Variants in SCN7A observed in about 807,000 individuals in gnomAD.
SCN7A encodes the protein sodium voltage-gated channel alpha subunit 7, also known as sodium channel protein type 7 subunit alpha.
A neutral mutation model predicts 155.2 loss-of-function variants in SCN7A; 138 were observed. The ratio of observed to expected loss-of-function variants is 0.89; its 90% CI spans 0.77 to 1.02. The LOEUF is 1.02. Among genes scored for constraint, SCN7A ranks in the 50% least tolerant of loss-of-function variants. SCN7A has a pLI of 0.00. For synonymous variants in SCN7A, 693 were observed against 649.0 expected (o/e 1.07, Z -1.03); for missense variants, 2,058 against 1,986.6 (o/e 1.04, Z -0.68).
chr2:166,484,616 A>C (rs1363339365), intron 2 of SCN7A, among the ~76,000 whole-genome samples: 1 of 152,018 alleles, frequency 6.6e-6, no homozygotes, highest in Non-Finnish European at 1.5e-5. Context: ...TCACTAATAC[A>C]TGTTTTAAGT....
At chr2:166,430,384 T>C (rs1051829128) in intron 16 of SCN7A, among the ~76,000 whole-genome samples, 21 of 152,010 alleles carry the variant, frequency 1.4e-4, no homozygotes, top group Non-Finnish European at 2.6e-4. Flanking sequence ...TACTTTTATA[T>C]ATTCTTTATT....
chr2:166,420,085 C>A (rs931848135), intron 20 of SCN7A, among the ~76,000 whole-genome samples: 1 of 151,904 alleles, frequency 6.6e-6, no homozygotes, highest in African/African-American at 2.4e-5. Flanking sequence ...GTACTTTACA[C>A]AATCATAAAA....
chr2:166,443,683 C>A lies in SCN7A; in HGVS notation c.1627-7G>T. ...TGAAAATTCCAATGAAAACCTAAAT[C>A]AAAACCAAATACATAGGTGAGAATA... On this transcript the variant is annotated splice_polypyrimidine_tract_variant and splice_region_variant and intron_variant, in intron 13 of 25. Transcript: ENST00000643258. 3.9e-6 allele frequency: 6 copies of A among 1,530,872 alleles called. No homozygotes were observed. In the South Asian group the frequency reaches 6.2e-5, roughly 16 times the overall value. The allele number at this position is 1,530,872 out of a possible 1,614,324, so 94.8% of individuals were successfully genotyped here.
In SCN7A at chr2:166,441,523, G is replaced by A. The variant is rs751661520; in HGVS notation, c.2030C>T (p.Ser677Phe). The change falls in exon 15 of 26, where the codon TCC (serine) becomes TTC (phenylalanine). Residue 677 changes from serine (S) to phenylalanine (F), a missense_variant. Transcript: ENST00000643258. The part of the protein sequence containing the change: ...PRWHMHDFFH[S>F]FLNVFRILCG... ...GAGAATTCGGAACACATTCAGGAAG[G>A]AGTGGAAAAAGTCATGCATGTGCCA... 6.2e-7 allele frequency: 1 copy of A among 1,614,090 alleles called. No individual in the cohort carries two copies.
Position 166,423,333 on chromosome 2 carries a change from GA to G in SCN7A, c.2952del (p.Leu985Ter). On this transcript the variant is annotated frameshift_variant, in exon 19 of 26. Coordinates refer to ENST00000643258, the MANE Select transcript of SCN7A (RefSeq NM_002976.4). LOFTEE classifies it high-confidence loss of function. ...TTAAAACCATATGCCATCCATTTTA[GA>G]AGCATTTCCAGAATGAAGATATAAG... ...IFTYIFILEMLLKWMAYGFKA... is the reference protein window; with the variant it reads ...IFTYIFILEMXLKWMAYGFKA... The G allele has an allele frequency of 6.2e-7, 1 of 1,612,218 alleles. No individual in the cohort carries two copies. Among genetic ancestry groups the G allele is most frequent in the Non-Finnish European group, 8.5e-7 (1 of 1,179,084 alleles).
intron 12 of SCN7A, 79 bp from the exon 13 acceptor site, chr2:166,445,079 G>T: frequency 1.2e-6 from 1 of 800,720 alleles, no homozygotes; most frequent in Non-Finnish European, 2.1e-6. Context: ...ACTTTGGGAA[G>T]CCGAGGTGGG....
intron 23 of SCN7A, among the ~76,000 whole-genome samples, chr2:166,411,638 T>C (rs981399667): frequency 1.3e-5 from 2 of 152,050 alleles, no homozygotes; most frequent in African/African-American, 4.8e-5. Flanking sequence ...GCTGTTGTAC[T>C]TCAAACTGCA....
At chr2:166,422,191 T>C (rs1158464856) in intron 19 of SCN7A, among the ~76,000 whole-genome samples, 1 of 152,108 alleles carries the variant, frequency 6.6e-6, no homozygotes, top group African/African-American at 2.4e-5. Context: ...GCTTCTATCA[T>C]TGTTTATAGA....
chr2:166,479,721 C>T (rs527624738), intron 2 of SCN7A, among the ~76,000 whole-genome samples: 4 of 152,178 alleles, frequency 2.6e-5, no homozygotes, highest in South Asian at 2.1e-4. Context: ...TGACTGAGCC[C>T]AGCCTCTGGA....
At position 166,474,360 on chromosome 2, in the gene SCN7A, C is replaced by A. The variant is rs369215148; in HGVS notation, c.235-16G>T. 3.3e-6 allele frequency: 4 copies of A among 1,220,316 alleles called. No homozygotes were observed. The highest frequency in any genetic ancestry group is 4.6e-6 in the Non-Finnish European group (4 of 874,434). The allele number at this position is 1,220,316 out of a possible 1,614,324, so 75.6% of individuals were successfully genotyped here. A position where few individuals can be genotyped will look rare whatever the true frequency, so the allele number is the denominator to read the frequency against. On this transcript the variant is annotated splice_polypyrimidine_tract_variant and intron_variant, in intron 3 of 25. Coordinates refer to ENST00000643258, the MANE Select transcript of SCN7A (RefSeq NM_002976.4). ...CTATGAAAGTCTGTAAGAAGAAAAGCGATCAAGTGAAATTAGAACTCAGAA... is the reference window on the plus strand; with the variant it reads ...CTATGAAAGTCTGTAAGAAGAAAAGAGATCAAGTGAAATTAGAACTCAGAA...
intron 9 of SCN7A, among the ~76,000 whole-genome samples, chr2:166,462,767 G>A (rs1451107870): frequency 5.3e-5 from 8 of 152,096 alleles, no homozygotes; most frequent in Non-Finnish European, 1.2e-4. Flanking sequence ...AGTGGTTTTT[G>A]CCAAGCTATT....
At chr2:166,439,498 A>C (rs997536532) in intron 15 of SCN7A, among the ~76,000 whole-genome samples, 1 of 151,680 alleles carries the variant, frequency 6.6e-6, no homozygotes, top group Non-Finnish European at 1.5e-5. Flanking sequence ...CACAGAGAAA[A>C]ACAGAATTGA....
At chr2:166,461,574 CTG>C (rs1702410632) in intron 10 of SCN7A, among the ~76,000 whole-genome samples, 1 of 152,080 alleles carries the variant, frequency 6.6e-6, no homozygotes, top group South Asian at 2.1e-4. Context: ...AAACAGGACA[CTG>C]TATATATTCA....
chr2:166,477,928 C>T (rs145488497), intron 2 of SCN7A, among the ~76,000 whole-genome samples: 16 of 151,940 alleles, frequency 1.1e-4, no homozygotes, highest in East Asian at 7.7e-4. Context: ...ACTTATTCAT[C>T]GTTTTAACAT....
At chr2:166,487,571 T>C (rs1311273141) in intron 1 of SCN7A, among the ~76,000 whole-genome samples, 1 of 152,136 alleles carries the variant, frequency 6.6e-6, no homozygotes, top group Non-Finnish European at 1.5e-5. Flanking sequence ...TCTTAGGGAA[T>C]TGAAAATACA....
At chr2:166,489,539 T>C (rs549183682) in intron 1 of SCN7A, among the ~76,000 whole-genome samples, 3 of 152,316 alleles carry the variant, frequency 2.0e-5, no homozygotes, top group Admixed American at 6.5e-5. Flanking sequence ...TTTGCAACCA[T>C]CTGTGTGAAT....
intron 17 of SCN7A, among the ~76,000 whole-genome samples, chr2:166,428,836 G>T (rs1701675343): frequency 6.6e-6 from 1 of 151,978 alleles, no homozygotes; most frequent in Admixed American, 6.6e-5. Context: ...GCACAATTTA[G>T]GAGTAAAACA....
chr2:166,439,718 G>A (rs551417784), intron 15 of SCN7A, among the ~76,000 whole-genome samples: 1 of 152,326 alleles, frequency 6.6e-6, no homozygotes, highest in East Asian at 1.9e-4. Flanking sequence ...AGATATTGAA[G>A]TATTTTTTAC....
At chr2:166,467,381 C>T (rs1702557891) in intron 7 of SCN7A, among the ~76,000 whole-genome samples, 1 of 151,358 alleles carries the variant, frequency 6.6e-6, no homozygotes, top group South Asian at 2.1e-4. Context: ...TATCTTTATA[C>T]TGAATTTTTT....
Sources: allele counts gnomAD v4.1 joint callset (sites outside exome capture counted in the v4.1 genomes callset), GRCh38; gene constraint gnomAD v4.1.1; transcripts MANE v1.5; gene names NCBI Gene and HGNC (gene_info 2026-07-23, HGNC 2026-07-21).